TNPO3: variants seen among roughly 807,000 people sequenced by gnomAD.
The protein encoded by TNPO3 is transportin 3.
Under a neutral mutation model 122.8 loss-of-function variants are expected in TNPO3, and 65 were observed. The ratio of observed to expected loss-of-function variants is 0.53; its 90% CI spans 0.43 to 0.65. The LOEUF is 0.65. Among genes scored for constraint, TNPO3 ranks in the 30% least tolerant of loss-of-function variants. The pLI is 0.00. For missense variants in TNPO3, 850 were observed against 1,136.7 expected, an observed-to-expected ratio of 0.75 and a Z score of 3.63; for synonymous variants, 372 against 411.2, an observed-to-expected ratio of 0.90 and a Z score of 1.15.
Position 128,979,254 on chromosome 7 carries a change from G to T in TNPO3, c.1921-131C>A. On this transcript the variant is annotated intron_variant, in intron 15 of 22. Coordinates refer to ENST00000265388, the MANE Select transcript of TNPO3 (RefSeq NM_012470.4). Reference sequence around the variant, plus strand: ...AAACTTTCTGTATAGGAACACACATGGCCAGCATGCTCAGGTTCAATAGAC... The same window carrying T: ...AAACTTTCTGTATAGGAACACACATTGCCAGCATGCTCAGGTTCAATAGAC... 4 of 1,081,152 alleles carry T rather than the reference G, an allele frequency of 3.7e-6. No individual in the cohort carries two copies. In the South Asian group the frequency reaches 6.3e-5, roughly 17 times the overall value. The allele number at this position is 1,081,152 out of a possible 1,614,324, so 67.0% of individuals were successfully genotyped here. A position where few individuals can be genotyped will look rare whatever the true frequency, so the allele number is the denominator to read the frequency against.
Position 128,967,263 on chromosome 7 carries a change from C to A in TNPO3, c.2711+17G>T, listed in dbSNP as rs774254170. 2.7e-6 allele frequency: 4 copies of A among 1,477,160 alleles called. No individual in the cohort carries two copies. Among genetic ancestry groups the A allele is most frequent in the Middle Eastern group, 3.5e-4 (2 of 5,762 alleles). 91.5% of individuals were successfully genotyped at this position (1,477,160 alleles called of 1,614,324 possible). A position where few individuals can be genotyped will look rare whatever the true frequency, so the allele number is the denominator to read the frequency against. On this transcript the variant is annotated intron_variant, in intron 21 of 22. Coordinates refer to ENST00000265388, the MANE Select transcript of TNPO3 (RefSeq NM_012470.4). ...CCCACATCCCACACCTCCTTAAGAA[C>A]CCCCAGTATCACTCACCTAGTGACT...
upstream of TNPO3, chr7:129,055,527 C>G (rs1809384644): frequency 1.3e-5 from 2 of 158,938 alleles, no homozygotes; most frequent in Non-Finnish European, 2.8e-5. Flanking sequence ...GACACGTAGT[C>G]AACTGAACTA....
At chr7:129,015,364 T>A (rs909180863) in intron 3 of TNPO3, among the ~76,000 whole-genome samples, 3 of 97,832 alleles carry the variant, frequency 3.1e-5, no homozygotes, top group Non-Finnish European at 6.9e-5. Flanking sequence ...TATCTATATG[T>A]CCTAACATGA....
chr7:128,993,514 G>A (rs1324488676), intron 9 of TNPO3, among the ~76,000 whole-genome samples: 1 of 152,188 alleles, frequency 6.6e-6, no homozygotes, highest in African/African-American at 2.4e-5. Context: ...AAGTATCCTA[G>A]AGGCTTTAAT....
At chr7:129,034,904 A>G (rs1806422968) in intron 1 of TNPO3, among the ~76,000 whole-genome samples, 1 of 151,082 alleles carries the variant, frequency 6.6e-6, no homozygotes, top group African/African-American at 2.4e-5. Flanking sequence ...CAAAAAAAAA[A>G]AAAAAAAAAA....
chr7:129,051,145 T>TAA lies in TNPO3; in HGVS notation c.120+3504_120+3505dup, dbSNP rs77733877. ...TGTGGATACCCAGAAAACAAAATGTTAAAAAAAAAAAGAGGTATTTGATTA... is the reference window on the plus strand; with the variant it reads ...TGTGGATACCCAGAAAACAAAATGTTAAAAAAAAAAAAAGAGGTATTTGATTA... On this transcript the variant is annotated intron_variant, in intron 1 of 22. Transcript: ENST00000265388. Among the ~76,000 whole-genome samples the TAA allele has an allele frequency of 9.1e-3, 1,345 of 147,518 alleles. 19 individuals are homozygous for TAA. Among genetic ancestry groups the TAA allele is most frequent in the African/African-American group, 0.031 (1,223 of 39,182 alleles).
intron 21 of TNPO3, among the ~76,000 whole-genome samples, chr7:128,965,090 C>T (rs568479289): frequency 5.9e-5 from 9 of 152,112 alleles, no homozygotes; most frequent in East Asian, 1.9e-4. Flanking sequence ...ATAAACTAGG[C>T]GACAACAAAA....
In TNPO3 at chr7:129,001,086, A is replaced by G; in HGVS notation, c.845T>C (p.Met282Thr). Reference sequence around the variant, plus strand: ...GTCTAAATCTTCACGTGCCACGGCCATATGATAGGCAGTCTCCAATGTCAG... The same window carrying G: ...GTCTAAATCTTCACGTGCCACGGCCGTATGATAGGCAGTCTCCAATGTCAG... ...GVLTLETAYH[M>T]AVAREDLDKV... Residue 282 changes from methionine (M) to threonine (T), a missense_variant, in exon 6 of 23, where the codon ATG becomes ACG. Met to Thr is a moderately conservative substitution (Grantham distance 81). Coordinates refer to ENST00000265388, the MANE Select transcript of TNPO3 (RefSeq NM_012470.4). 1 of 1,614,202 alleles carries G rather than the reference A, an allele frequency of 6.2e-7. No homozygotes were observed. The highest frequency in any genetic ancestry group is 1.1e-5 in the South Asian group (1 of 91,086).
intron 5 of TNPO3, among the ~76,000 whole-genome samples, chr7:129,002,484 A>T (rs1802047210): frequency 6.6e-6 from 1 of 152,236 alleles, no homozygotes; most frequent in East Asian, 1.9e-4. Context: ...TAATTTTTTT[A>T]AAAGGATATT....
At position 129,016,267 on chromosome 7, in the gene TNPO3, G is replaced by T. The variant is rs192085327; in HGVS notation, c.395+716C>A. Among the ~76,000 whole-genome samples, 188 of 152,142 alleles carry T rather than the reference G, an allele frequency of 1.2e-3. 1 individual carries two copies. The Middle Eastern group carries it at 0.02, about 17-fold the overall frequency. Reference sequence around the variant, plus strand: ...AAATTAGCCAGGCGTAGTAGCACATGCCTGTAATCTCAGCCGCCTGGGAGG... The same window carrying T: ...AAATTAGCCAGGCGTAGTAGCACATTCCTGTAATCTCAGCCGCCTGGGAGG... On this transcript the variant is annotated intron_variant, in intron 3 of 22. Coordinates refer to ENST00000265388, the MANE Select transcript of TNPO3 (RefSeq NM_012470.4).
Position 128,986,849 on chromosome 7 carries a change from G to A in TNPO3, c.1570C>T (p.His524Tyr). The change falls in exon 12 of 23, where the codon CAT (histidine) becomes TAT (tyrosine). Residue 524 changes from histidine (H) to tyrosine (Y), a missense_variant. Physicochemically the swap from His to Tyr is moderately conservative, Grantham distance 83. Transcript: ENST00000265388. ...TCTCGGCAGACAGAGCAAATGTTAT[G>A]AATGGCTTTGGCTGCAGCAGAAGCC... ...PLASAAAKAI[H>Y]NICSVCRDHM... The A allele has an allele frequency of 3.1e-6, 5 of 1,614,086 alleles. No homozygotes were observed. Among genetic ancestry groups the A allele is most frequent in the Non-Finnish European group, 4.2e-6 (5 of 1,179,992 alleles).
chr7:128,999,152 C>A (rs1801658479), intron 7 of TNPO3, among the ~76,000 whole-genome samples: 1 of 152,140 alleles, frequency 6.6e-6, no homozygotes, highest in Non-Finnish European at 1.5e-5. Context: ...GGCCAGAAGT[C>A]TTTTTTAAAG....
chr7:128,976,425 G>T (rs1191915845), intron 16 of TNPO3, among the ~76,000 whole-genome samples: 1 of 152,030 alleles, frequency 6.6e-6, no homozygotes, highest in Non-Finnish European at 1.5e-5. Context: ...TGTTTTCTAC[G>T]AAGATATTTG....
chr7:128,983,918 C>G (rs909796734), intron 13 of TNPO3, among the ~76,000 whole-genome samples: 6 of 152,202 alleles, frequency 3.9e-5, no homozygotes, highest in Non-Finnish European at 8.8e-5. Context: ...CATACTGGCT[C>G]AGGACAAACC....
intron 1 of TNPO3, among the ~76,000 whole-genome samples, chr7:129,048,855 T>A (rs1387073439): frequency 6.6e-6 from 1 of 152,220 alleles, no homozygotes; most frequent in Non-Finnish European, 1.5e-5. Flanking sequence ...GTGTGAAGTG[T>A]CTTGATTGTT....
At chr7:128,963,134 C>T (rs1406952931) in intron 21 of TNPO3, among the ~76,000 whole-genome samples, 1 of 152,194 alleles carries the variant, frequency 6.6e-6, no homozygotes, top group African/African-American at 2.4e-5. Flanking sequence ...ATACTATGTG[C>T]AAGATCTTCT....
rs1276269331 is a variant in TNPO3 at position 128,954,388 on chromosome 7, T to C, written c.*1029A>G. On this transcript the variant is annotated 3_prime_UTR_variant, in exon 23 of 23. Transcript: ENST00000265388. ...GTCATTTCCACACTTTTTAGTAACA[T>C]ACTAAATGACACATCATCCCTTGTT... The C allele has an allele frequency of 2.0e-5, 3 of 152,202 alleles. No homozygotes were observed. Among genetic ancestry groups the C allele is most frequent in the Non-Finnish European group, 2.9e-5 (2 of 68,030 alleles). 9.4% of individuals were successfully genotyped at this position (152,202 alleles called of 1,614,324 possible).
At position 128,972,551 on chromosome 7, in the gene TNPO3, G is replaced by T; in HGVS notation, c.2305C>A (p.Arg769=). Residue 769 remains arginine, a synonymous_variant, in exon 19 of 23, where the codon CGG becomes AGG. Transcript: ENST00000265388. ...AAGATAGGGATGACCACTTGGCTCC[G>T]CAGCAAGGTGACAGGGCTACGCTGA... ...FIQRSPVTLL[R]SQVVIPILQW... The T allele has an allele frequency of 6.2e-7, 1 of 1,614,056 alleles. No individual in the cohort carries two copies. The highest frequency in any genetic ancestry group is 8.5e-7 in the Non-Finnish European group (1 of 1,179,980).
At position 128,968,361 on chromosome 7, in the gene TNPO3, T is replaced by C. The variant is rs553841337; in HGVS notation, c.2599-969A>G. Among the ~76,000 whole-genome samples, 4 of 152,280 alleles carry C rather than the reference T, an allele frequency of 2.6e-5. No individual in the cohort carries two copies. The East Asian group carries it at 7.7e-4, about 29-fold the overall frequency. ...CTAAGAATTCTCTTTATGCCTTTTC[T>C]ATGCACAAAAATTGTCTACTCCCTT... On this transcript the variant is annotated intron_variant, in intron 20 of 22. Coordinates refer to ENST00000265388, the MANE Select transcript of TNPO3 (RefSeq NM_012470.4).
Sources: allele counts gnomAD v4.1 joint callset (sites outside exome capture counted in the v4.1 genomes callset), GRCh38; gene constraint gnomAD v4.1.1; transcripts MANE v1.5; gene names NCBI Gene and HGNC (gene_info 2026-07-23, HGNC 2026-07-21).